UBR3: variants seen among roughly 807,000 people sequenced by gnomAD.
UBR3 encodes the protein E3 ubiquitin-protein ligase UBR3.
A neutral mutation model predicts 243.2 loss-of-function variants in UBR3; 85 were observed. The observed-to-expected ratio is 0.35, with a 90% CI of 0.29 to 0.42. UBR3 has a LOEUF of 0.42. Among genes scored for constraint, UBR3 ranks in the 10% least tolerant of loss-of-function variants. The probability of loss-of-function intolerance (pLI) is 1.00; values close to 1 mark genes in which losing one functional copy is unlikely to be tolerated. For missense variants in UBR3, 1,686 were observed against 2,300.8 expected, an observed-to-expected ratio of 0.73 and a Z score of 5.47; for synonymous variants, 748 against 799.8, an observed-to-expected ratio of 0.94 and a Z score of 1.09.
intron 30 of UBR3, among the ~76,000 whole-genome samples, chr2:170,027,497 G>C (rs1413156732): frequency 6.6e-6 from 1 of 151,614 alleles, no homozygotes; most frequent in African/African-American, 2.4e-5. Context: ...TATTTTCTGT[G>C]CTGGCTGTGG....
At chr2:169,865,137 C>T (rs1183921117) in intron 1 of UBR3, among the ~76,000 whole-genome samples, 3 of 151,860 alleles carry the variant, frequency 2.0e-5, no homozygotes, top group Non-Finnish European at 4.4e-5. Context: ...TTTGTTTCAG[C>T]AAGTCTTTTT....
Position 169,896,645 on chromosome 2 carries a change from C to A in UBR3, c.1375C>A (p.Gln459Lys). The A allele has an allele frequency of 6.4e-7, 1 of 1,551,290 alleles. No homozygotes were observed. The highest frequency in any genetic ancestry group is 8.7e-7 in the Non-Finnish European group (1 of 1,146,800). The change falls in exon 8 of 39, where the codon CAG becomes AAG. Residue 459 changes from glutamine to lysine, a missense_variant. This residue lies in a region of UBR3 where 346 missense variants were observed against 585.8 expected (regional missense o/e 0.59). Transcript: ENST00000272793. ...QLFSNEELARQVTEECQLLDI... is the reference protein window; with the variant it reads ...QLFSNEELARKVTEECQLLDI... Reference sequence around the variant, plus strand: ...GTTCAGCAATGAGGAGCTAGCCAGACAGGTAACAGAAGAATGTCAGCTGCT... The same window carrying A: ...GTTCAGCAATGAGGAGCTAGCCAGAAAGGTAACAGAAGAATGTCAGCTGCT...
In UBR3 at chr2:169,878,650, C is replaced by A. The variant is rs974494920; in HGVS notation, c.1038+76C>A. ...TATACTTTTTTATTATTTTATACTT[C>A]TTTATAGTTCTGAAACTGTATAGAT... On this transcript the variant is annotated intron_variant, in intron 5 of 38. Transcript: ENST00000272793. 1.3e-5 allele frequency: 16 copies of A among 1,256,550 alleles called. No homozygotes were observed. The Admixed American group carries it at 2.4e-4, about 19-fold the overall frequency. 77.8% of individuals were successfully genotyped at this position (1,256,550 alleles called of 1,614,324 possible). A position where few individuals can be genotyped will look rare whatever the true frequency, so the allele number is the denominator to read the frequency against.
intron 1 of UBR3, among the ~76,000 whole-genome samples, chr2:169,836,132 G>A (rs1236868113): frequency 1.5e-5 from 2 of 130,206 alleles, no homozygotes; most frequent in African/African-American, 5.9e-5. Flanking sequence ...GACTCAGGCT[G>A]GAGTGCAATG....
chr2:170,041,412 G>A (rs2090965590), intron 32 of UBR3, among the ~76,000 whole-genome samples: 1 of 152,078 alleles, frequency 6.6e-6, no homozygotes, highest in African/African-American at 2.4e-5. Context: ...TGATACAAAT[G>A]AAAATTCGAA....
intron 6 of UBR3, among the ~76,000 whole-genome samples, chr2:169,893,320 G>T (rs1224253588): frequency 6.6e-6 from 1 of 152,126 alleles, no homozygotes; most frequent in Non-Finnish European, 1.5e-5. Context: ...TCTTTTAAGT[G>T]CTTGACAATT....
intron 1 of UBR3, among the ~76,000 whole-genome samples, chr2:169,871,160 G>A (rs2083425270): frequency 6.6e-6 from 1 of 152,058 alleles, no homozygotes; most frequent in African/African-American, 2.4e-5. Context: ...GTTGACTATA[G>A]AATAGTTTTC....
chr2:169,995,369 T>C (rs1284026701), intron 26 of UBR3, among the ~76,000 whole-genome samples: 1 of 152,236 alleles, frequency 6.6e-6, no homozygotes, highest in Non-Finnish European at 1.5e-5. Flanking sequence ...TATTAAACTT[T>C]CTCAAATGTA....
intron 33 of UBR3, among the ~76,000 whole-genome samples, chr2:170,057,194 C>T (rs2091354983): frequency 6.6e-6 from 1 of 151,246 alleles, no homozygotes; most frequent in Admixed American, 6.6e-5. Context: ...GGGCTCACTG[C>T]AGCCTCAACC....
At chr2:169,974,632 C>T (rs2088338057) in intron 24 of UBR3, among the ~76,000 whole-genome samples, 1 of 151,990 alleles carries the variant, frequency 6.6e-6, no homozygotes, top group African/African-American at 2.4e-5. Flanking sequence ...TGATCTTTTG[C>T]ATTTTTTAAC....
At chr2:169,964,612 A>G in intron 24 of UBR3, 1 of 377,992 alleles carries the variant, frequency 2.6e-6, no homozygotes, top group Non-Finnish European at 5.4e-6. Context: ...TTTCAGGGTT[A>G]GGTAAAAGGT....
At chr2:170,038,113 A>AT (rs769711512) in intron 31 of UBR3, among the ~76,000 whole-genome samples, 85 of 152,070 alleles carry the variant, frequency 5.6e-4, no homozygotes, top group Admixed American at 1.0e-3. Flanking sequence ...ACTATATTTA[A>AT]TTTTTTTATT....
Position 169,852,883 on chromosome 2 carries a change from A to AAAAAAAAAAAAC in UBR3, c.546-19353_546-19352insAAAAAAAAAAAC, listed in dbSNP as rs1491293579. Among the ~76,000 whole-genome samples the AAAAAAAAAAAAC allele has an allele frequency of 5.0e-5, 3 of 59,732 alleles. 1 individual carries two copies. The highest frequency in any genetic ancestry group is 1.1e-4 in the Non-Finnish European group (2 of 17,452). 39.2% of individuals were successfully genotyped at this position (59,732 alleles called of 152,430 possible). On this transcript the variant is annotated intron_variant, in intron 1 of 38. Coordinates refer to ENST00000272793, the MANE Select transcript of UBR3 (RefSeq NM_172070.4). ...AAAAAAAAAAAAAAAAAAAAACAAA[A>AAAAAAAAAAAAC]CCAAACAAATTGAGTCCTTTAAGAG... is the stretch of plus-strand genomic sequence containing the variant.
chr2:169,872,421 A>G (rs2083465475), intron 2 of UBR3, 46 bp downstream of exon 2: 2 of 1,343,770 alleles, frequency 1.5e-6, no homozygotes, highest in Non-Finnish European at 1.0e-6. Context: ...TAAATTGTAA[A>G]TTTACAAAGT....
At chr2:169,838,399 G>A (rs1454468586) in intron 1 of UBR3, among the ~76,000 whole-genome samples, 1 of 41,634 alleles carries the variant, frequency 2.4e-5, no homozygotes, top group Non-Finnish European at 5.8e-5. Context: ...GTGTGTGTGT[G>A]TGTGTGTGTG....
intron 19 of UBR3, among the ~76,000 whole-genome samples, chr2:169,940,588 C>A (rs2086543230): frequency 6.6e-6 from 1 of 152,050 alleles, no homozygotes; most frequent in Admixed American, 6.5e-5. Context: ...TTGCATGTTG[C>A]CTTTGCCCAT....
chr2:169,997,426 C>A lies in UBR3; in HGVS notation c.3918+2970C>A, dbSNP rs776524986. 3.9e-5 allele frequency among the ~76,000 whole-genome samples: 6 copies of A among 152,222 alleles called. No individual in the cohort carries two copies. The South Asian group carries it at 1.0e-3, about 26-fold the overall frequency. ...GCAGTGGCACCCGAAAACTCAGAGACACCAGCAACCACAGAGCCCCAAGGG... is the reference window on the plus strand; with the variant it reads ...GCAGTGGCACCCGAAAACTCAGAGAAACCAGCAACCACAGAGCCCCAAGGG... On this transcript the variant is annotated intron_variant, in intron 26 of 38. Coordinates refer to ENST00000272793, the MANE Select transcript of UBR3 (RefSeq NM_172070.4).
At chr2:169,902,184 A>C (rs955550329) in intron 8 of UBR3, among the ~76,000 whole-genome samples, 5 of 152,206 alleles carry the variant, frequency 3.3e-5, no homozygotes, top group Non-Finnish European at 7.3e-5. Flanking sequence ...TATAGCACAC[A>C]TTACCAACTC....
intron 31 of UBR3, among the ~76,000 whole-genome samples, chr2:170,037,272 G>A (rs1048557254): frequency 1.3e-5 from 2 of 152,120 alleles, no homozygotes; most frequent in South Asian, 2.1e-4. Flanking sequence ...TCTAGTTATC[G>A]GGCTGAGTTA....
Sources: gnomAD v4.1 joint callset for allele counts (sites outside exome capture counted in the v4.1 genomes callset) on GRCh38, gnomAD v4.1.1 for gene constraint, gnomAD v4.1.1 regional missense constraint, MANE v1.5 for transcripts, NCBI Gene and HGNC (gene_info 2026-07-23, HGNC 2026-07-21) for gene names.